Variants in TADA1 observed in about 807,000 individuals in gnomAD.
The protein encoded by TADA1 is transcriptional adapter 1.
TADA1 carries 23 observed loss-of-function variants against 39.3 expected under a neutral mutation model. The observed-to-expected ratio is 0.58, with a 90% CI of 0.42 to 0.83. TADA1 has a LOEUF of 0.83. TADA1 is among the 40% of genes least tolerant of loss of function. TADA1 has a pLI of 0.00. For synonymous variants in TADA1, 137 were observed against 151.8 expected, an observed-to-expected ratio of 0.90 and a Z score of 0.72; for missense variants, 352 against 408.1, an observed-to-expected ratio of 0.86 and a Z score of 1.18.
chr1:166,873,443 AG>A (rs991087144), intron 1 of TADA1, among the ~76,000 whole-genome samples: 2 of 152,188 alleles, frequency 1.3e-5, no homozygotes, highest in Non-Finnish European at 2.9e-5. Flanking sequence ...TCAGACATGA[AG>A]GATGTTCAGA....
chr1:166,865,613 A>G lies in TADA1; in HGVS notation c.233-1692T>C, dbSNP rs55676337. On this transcript the variant is annotated intron_variant, in intron 3 of 7. Coordinates refer to ENST00000367874, the MANE Select transcript of TADA1 (RefSeq NM_053053.4). The stretch of plus-strand genomic sequence containing the variant: ...CAGATCACGAGGTCAGGAGATCAAG[A>G]CCATCCTGGCTAACATGGTGAAACC... 1.7e-3 allele frequency among the ~76,000 whole-genome samples: 266 copies of G among 152,072 alleles called. 1 individual carries two copies. The highest frequency in any genetic ancestry group is 2.6e-3 in the Non-Finnish European group (180 of 67,980).
chr1:166,866,181 C>G (rs893292153), intron 3 of TADA1, among the ~76,000 whole-genome samples: 1 of 152,240 alleles, frequency 6.6e-6, no homozygotes, highest in Non-Finnish European at 1.5e-5. Context: ...GCTGCGTGGC[C>G]AAGCGAAGCA....
At chr1:166,871,590 A>G (rs1000105477) in intron 1 of TADA1, among the ~76,000 whole-genome samples, 6 of 152,150 alleles carry the variant, frequency 3.9e-5, no homozygotes, top group Admixed American at 6.5e-5. Context: ...AAGTGGCCCA[A>G]AACCCACGAC....
At position 166,857,573 on chromosome 1, in the gene TADA1, C is replaced by T; in HGVS notation, c.1002G>A (p.Leu334=). Residue 334 remains leucine (L), a synonymous_variant, in exon 8 of 8, where the codon CTG becomes CTA. Coordinates refer to ENST00000367874, the MANE Select transcript of TADA1 (RefSeq NM_053053.4). ...QRLAAKEGLL[L]C ...CACACCCTCAAATCCTAATTTAGCA[C>T]AGCAAAAGCCCCTCCTTGGCTGCCA... 1 of 1,613,940 alleles carries T rather than the reference C, an allele frequency of 6.2e-7. No individual in the cohort carries two copies. The highest frequency in any genetic ancestry group is 8.5e-7 in the Non-Finnish European group (1 of 1,179,952).
Position 166,869,851 on chromosome 1 carries a change from G to A in TADA1, c.78C>T (p.Tyr26=). Residue 26 remains tyrosine (Y), a synonymous_variant, in exon 2 of 8, where the codon TAC becomes TAT. Transcript: ENST00000367874. The part of the protein sequence containing the change: ...SEALGDNVKQ[Y]WANLKLWFKQ... ...TGAACCACAGCTTTAGGTTAGCCCA[G>A]TATCTGCAGAGGCAGAAACAATACT... 6.2e-7 allele frequency: 1 copy of A among 1,613,732 alleles called. No homozygotes were observed. Among genetic ancestry groups the A allele is most frequent in the Non-Finnish European group, 8.5e-7 (1 of 1,179,876 alleles).
At chr1:166,873,492 C>T (rs558464070) in intron 1 of TADA1, among the ~76,000 whole-genome samples, 2 of 152,182 alleles carry the variant, frequency 1.3e-5, no homozygotes, top group Admixed American at 6.5e-5. Context: ...ATCCAGCCTC[C>T]GTGCATAACC....
chr1:166,864,848 G>T (rs543427402), intron 3 of TADA1, among the ~76,000 whole-genome samples: 2 of 152,182 alleles, frequency 1.3e-5, no homozygotes, highest in East Asian at 3.9e-4. Flanking sequence ...TAGTTAAACC[G>T]AACACAATTT....
chr1:166,861,636 A>G (rs12122547), intron 5 of TADA1, among the ~76,000 whole-genome samples: 57,564 of 152,080 alleles, frequency 0.38, 11,039 homozygotes, highest in Middle Eastern at 0.5. Flanking sequence ...CTTAAAAACC[A>G]TTCCCCTGTT....
intron 5 of TADA1, among the ~76,000 whole-genome samples, chr1:166,861,938 T>C (rs544756668): frequency 4.6e-5 from 7 of 152,178 alleles, no homozygotes; most frequent in Admixed American, 1.3e-4. Flanking sequence ...CGCACGTCTA[T>C]ACTCCCAGCT....
chr1:166,857,859 T>C (rs1449234099), intron 7 of TADA1, 140 bp from the exon 8 acceptor site: 4 of 1,034,844 alleles, frequency 3.9e-6, no homozygotes, highest in Non-Finnish European at 5.6e-6. Flanking sequence ...ACCAATTGGA[T>C]AATAATAAGG....
intron 6 of TADA1, among the ~76,000 whole-genome samples, chr1:166,859,022 C>T (rs1348561059): frequency 6.6e-6 from 1 of 152,222 alleles, no homozygotes; most frequent in Non-Finnish European, 1.5e-5. Flanking sequence ...CAAGGAGCCA[C>T]TTTTGGGGAT....
intron 1 of TADA1, among the ~76,000 whole-genome samples, chr1:166,872,643 G>C (rs1023947531): frequency 2.0e-5 from 3 of 151,888 alleles, no homozygotes; most frequent in African/African-American, 7.3e-5. Context: ...TTGCACTCCA[G>C]CCTGGGCAAC....
intron 6 of TADA1, 111 bp from the exon 7 acceptor site, chr1:166,858,392 C>A: frequency 4.0e-6 from 3 of 755,734 alleles, no homozygotes; most frequent in Non-Finnish European, 6.1e-6. Flanking sequence ...ATTAGAAATC[C>A]ATTCAATGTC....
chr1:166,862,075 C>A, intron 5 of TADA1, 128 bp downstream of exon 5: 1 of 987,466 alleles, frequency 1.0e-6, no homozygotes, highest in Admixed American at 2.4e-5. Context: ...CAGAAAACAA[C>A]TTCAACAATG....
At chr1:166,874,327 A>G (rs1658719757) in intron 1 of TADA1, among the ~76,000 whole-genome samples, 3 of 151,626 alleles carry the variant, frequency 2.0e-5, no homozygotes, top group Non-Finnish European at 2.9e-5. Flanking sequence ...ACGACAGAGC[A>G]AGACTCCATC....
chr1:166,875,563 G>C (rs570123274), intron 1 of TADA1, among the ~76,000 whole-genome samples: 10 of 152,246 alleles, frequency 6.6e-5, no homozygotes, highest in Non-Finnish European at 1.2e-4. Context: ...GTAAGGATTA[G>C]ATAATATATT....
intron 3 of TADA1, 154 bp downstream of exon 3, chr1:166,869,291 A>G: frequency 3.7e-6 from 2 of 533,512 alleles, no homozygotes; most frequent in Non-Finnish European, 6.6e-6. Flanking sequence ...AAAAAAAAAG[A>G]TTCTGTAAAA....
At chr1:166,861,367 T>C (rs191378367) in intron 5 of TADA1, among the ~76,000 whole-genome samples, 256 of 152,328 alleles carry the variant, frequency 1.7e-3, no homozygotes, top group African/African-American at 5.9e-3. Context: ...GGACAACTGT[T>C]ATTATTTTTG....
rs116266794 is a variant in TADA1, at chr1:166,861,933, G to A, written c.540+270C>T. On this transcript the variant is annotated intron_variant, in intron 5 of 7. Transcript: ENST00000367874. Reference sequence around the variant, plus strand: ...AAATTAGCTGAGTATGGTGGCGCACGTCTATACTCCCAGCTCTTGAGAGGC... The same window carrying A: ...AAATTAGCTGAGTATGGTGGCGCACATCTATACTCCCAGCTCTTGAGAGGC... Among the ~76,000 whole-genome samples the A allele has an allele frequency of 6.5e-3, 989 of 151,930 alleles. 14 individuals are homozygous for A. The highest frequency in any genetic ancestry group is 0.022 in the African/African-American group (925 of 41,390).
Sources: allele counts gnomAD v4.1 joint callset (sites outside exome capture counted in the v4.1 genomes callset), GRCh38; gene constraint gnomAD v4.1.1; transcripts MANE v1.5; gene names NCBI Gene and HGNC (gene_info 2026-07-23, HGNC 2026-07-21).